LITAF: variants seen among roughly 807,000 people sequenced by gnomAD.
LITAF encodes lipopolysaccharide-induced tumor necrosis factor-alpha factor.
In LITAF, 9 loss-of-function variants were observed where a neutral mutation model predicts 14.5. The observed-to-expected ratio is 0.62, with a 90% CI of 0.37 to 1.08. The LOEUF is 1.08. Ranked by LOEUF, LITAF falls within the 50% of genes least tolerant of loss-of-function variation. The probability of loss-of-function intolerance (pLI) is 0.01; values close to 1 mark genes in which losing one functional copy is unlikely to be tolerated. For missense variants in LITAF, 206 were observed against 213.4 expected, an observed-to-expected ratio of 0.97 and a Z score of 0.22; for synonymous variants, 98 against 88.2, an observed-to-expected ratio of 1.11 and a Z score of -0.62.
intron 3 of LITAF, among the ~76,000 whole-genome samples, chr16:11,604,076 C>G (rs911829649): frequency 4.0e-5 from 6 of 151,100 alleles, no homozygotes; most frequent in Non-Finnish European, 7.4e-5. Flanking sequence ...ATGCCTGTAA[C>G]TCCAGCACTT....
Position 11,553,101 on chromosome 16 carries a change from T to C in LITAF, c.377+432A>G, listed in dbSNP as rs1756055741. Among the ~76,000 whole-genome samples the C allele has an allele frequency of 2.1e-5, 3 of 146,084 alleles. No homozygotes were observed. In the South Asian group the frequency reaches 6.6e-4, roughly 32 times the overall value. On this transcript the variant is annotated intron_variant, in intron 3 of 3. Transcript: ENST00000622633. This position sits in a 1 kb window ranked among gnomAD's most constrained non-coding sequence, Gnocchi z 7.7. ...CTGCACTCCAGCCTGGGCAACAGAG[T>C]GAGAATCCATCACAAAAAAAGAAAG...
Position 11,608,647 on chromosome 16 carries a change from G to A in LITAF, c.85+24886C>T, listed in dbSNP as rs77232714. On this transcript the variant is annotated intron_variant, in intron 3 of 3. Coordinates refer to the LITAF transcript ENST00000574848. Reference sequence around the variant, plus strand: ...GGATGAACCTTGGAAACAGTACACTGAGTGAGAGAAGTCAGGTGTGAAATG... The same window carrying A: ...GGATGAACCTTGGAAACAGTACACTAAGTGAGAGAAGTCAGGTGTGAAATG... Among the ~76,000 whole-genome samples the A allele has an allele frequency of 6.3e-4, 96 of 152,318 alleles. 2 individuals carry two copies. The East Asian group carries it at 0.018, about 28-fold the overall frequency.
chr16:11,604,714 A>G (rs1244343585), intron 3 of LITAF, among the ~76,000 whole-genome samples: 3 of 148,504 alleles, frequency 2.0e-5, no homozygotes, highest in African/African-American at 4.9e-5. Context: ...ATGGTTCCCT[A>G]TTATAAAATG....
chr16:11,608,124 C>G (rs537244856), intron 3 of LITAF, among the ~76,000 whole-genome samples: 2 of 152,196 alleles, frequency 1.3e-5, no homozygotes, highest in Admixed American at 1.3e-4. Flanking sequence ...CTTGCCATCT[C>G]GATCCTCCTA....
At chr16:11,623,025 G>A (rs1375981876) in intron 3 of LITAF, among the ~76,000 whole-genome samples, 5 of 150,766 alleles carry the variant, frequency 3.3e-5, no homozygotes, top group Non-Finnish European at 5.9e-5. Context: ...GTGCAGTGGC[G>A]TGATCTCGGC....
At position 11,586,538 on chromosome 16, in the gene LITAF, A is replaced by T. The variant is rs2064809501; in HGVS notation, c.-6+348T>A. ...AATCGCGCCTTTTTCTAAAAAGCCC[A>T]GGGGCCGTCCTCTCCGGGGAGGGGG... On this transcript the variant is annotated intron_variant, in intron 1 of 3. Coordinates refer to ENST00000622633, the MANE Select transcript of LITAF (RefSeq NM_001136472.2). This position sits in a 1 kb window ranked among gnomAD's most constrained non-coding sequence, Gnocchi z 6.5. 6.6e-6 allele frequency among the ~76,000 whole-genome samples: 1 copy of T among 152,028 alleles called. No homozygotes were observed. Among genetic ancestry groups the T allele is most frequent in the Non-Finnish European group, 1.5e-5 (1 of 67,950 alleles).
rs1002529199 is a variant in LITAF at position 11,634,937 on chromosome 16, G to T, written c.-21+888C>A. Among the ~76,000 whole-genome samples, 2 of 152,080 alleles carry T rather than the reference G, an allele frequency of 1.3e-5. No homozygotes were observed. Among genetic ancestry groups the T allele is most frequent in the East Asian group, 3.8e-4 (2 of 5,204 alleles). ...TAATCCCAGCTATTTGGGAGGCTGA[G>T]GCAGGAGAATCGATTGAACCCGGGA... On this transcript the variant is annotated intron_variant, in intron 2 of 3. Transcript: ENST00000574848. The surrounding 1 kb of genome is among the most constrained non-coding windows in gnomAD (Gnocchi z 4.1).
At chr16:11,598,054 C>G (rs1020333151) in intron 1 of LITAF, among the ~76,000 whole-genome samples, 5 of 152,108 alleles carry the variant, frequency 3.3e-5, no homozygotes, top group Admixed American at 6.5e-5. Context: ...TACAGGCATG[C>G]GCCACCACGC....
upstream of LITAF, among the ~76,000 whole-genome samples, chr16:11,637,040 A>G (rs1409341516): frequency 6.6e-6 from 1 of 152,030 alleles, no homozygotes; most frequent in East Asian, 1.9e-4. Context: ...GCTCATCTGT[A>G]AAAGTGAGCC....
chr16:11,564,453 C>T (rs553083495), intron 1 of LITAF, among the ~76,000 whole-genome samples: 152 of 152,266 alleles, frequency 1.0e-3, no homozygotes, highest in Non-Finnish European at 1.8e-3. Context: ...TTCGGGCACT[C>T]ACAAGGTCCT....
intron 1 of LITAF, among the ~76,000 whole-genome samples, chr16:11,564,140 C>T (rs1242675455): frequency 6.6e-6 from 1 of 152,010 alleles, no homozygotes; most frequent in East Asian, 1.9e-4. Context: ...GAACTCCTGA[C>T]CTCAAGTGAT....
At chr16:11,552,681 G>A (rs1320973548) in intron 3 of LITAF, among the ~76,000 whole-genome samples, 4 of 152,200 alleles carry the variant, frequency 2.6e-5, no homozygotes, top group African/African-American at 9.6e-5. Context: ...ATACGCTTAA[G>A]AGCAGCAGGG....
At chr16:11,619,604 T>C (rs904295327) in intron 3 of LITAF, among the ~76,000 whole-genome samples, 1 of 151,970 alleles carries the variant, frequency 6.6e-6, no homozygotes, top group Non-Finnish European at 1.5e-5. Context: ...TCTCAGTCTA[T>C]TGACCAGGCT....
At chr16:11,559,421 T>A (rs182069868) in intron 1 of LITAF, among the ~76,000 whole-genome samples, 172 of 152,300 alleles carry the variant, frequency 1.1e-3, no homozygotes, top group African/African-American at 4.0e-3. Context: ...TTTATGTAAG[T>A]CTGGGACAAC....
intron 3 of LITAF, among the ~76,000 whole-genome samples, chr16:11,628,186 A>T (rs1407664609): frequency 1.3e-5 from 2 of 152,132 alleles, no homozygotes; most frequent in African/African-American, 4.8e-5. Flanking sequence ...TCGTTTCTCA[A>T]GCAGGTAATC....
At chr16:11,551,179 G>A (rs111266967) in intron 3 of LITAF, among the ~76,000 whole-genome samples, 61 of 152,288 alleles carry the variant, frequency 4.0e-4, no homozygotes, top group Middle Eastern at 3.4e-3. Flanking sequence ...GAAATATTCT[G>A]ATGAGGAAAT....
At chr16:11,577,873 C>T (rs1432068886) in intron 1 of LITAF, among the ~76,000 whole-genome samples, 3 of 151,326 alleles carry the variant, frequency 2.0e-5, no homozygotes. Flanking sequence ...TGCAGGTGTG[C>T]ATCAACAAGC....
At chr16:11,609,843 G>T (rs1441872354) in intron 3 of LITAF, among the ~76,000 whole-genome samples, 1 of 152,152 alleles carries the variant, frequency 6.6e-6, no homozygotes, top group African/African-American at 2.4e-5. Flanking sequence ...AAATCCAAAC[G>T]GAAAAGACCA....
Position 11,609,779 on chromosome 16 carries a change from C to G in LITAF, c.85+23754G>C, listed in dbSNP as rs999732666. On this transcript the variant is annotated intron_variant, in intron 3 of 3. Coordinates refer to the LITAF transcript ENST00000574848. ...ATGCCTCCTTCCTGCCCACTTCTCC[C>G]TCACACTCCAGAAGCCTCCAGAATG... Among the ~76,000 whole-genome samples, 7 of 152,218 alleles carry G rather than the reference C, an allele frequency of 4.6e-5. No homozygotes were observed. In the East Asian group the frequency reaches 1.4e-3, roughly 29 times the overall value.
Sources: allele counts gnomAD v4.1 joint callset (sites outside exome capture counted in the v4.1 genomes callset), GRCh38; gene constraint gnomAD v4.1.1; non-coding constraint Gnocchi (gnomAD v3.1); transcripts MANE v1.5; gene names NCBI Gene and HGNC (gene_info 2026-07-23, HGNC 2026-07-21).